Variants in ARNT2 observed in about 807,000 individuals in gnomAD.
ARNT2 encodes ARNT protein 2.
ARNT2 carries 36 observed loss-of-function variants against 91.7 expected under a neutral mutation model. The ratio of observed to expected loss-of-function variants is 0.39; its 90% CI spans 0.30 to 0.52. The LOEUF (loss-of-function observed/expected upper bound fraction) is 0.52, where lower values mean the gene tolerates loss of function less well. Ranked by LOEUF, ARNT2 falls within the 20% of genes least tolerant of loss-of-function variation. The pLI is 0.72. For missense variants in ARNT2, 775 were observed against 939.3 expected, an observed-to-expected ratio of 0.83 and a Z score of 2.29; for synonymous variants, 365 against 347.1, an observed-to-expected ratio of 1.05 and a Z score of -0.57.
chr15:80,492,922 T>C (rs1475545361), intron 5 of ARNT2, among the ~76,000 whole-genome samples: 2 of 152,258 alleles, frequency 1.3e-5, no homozygotes, highest in Non-Finnish European at 2.9e-5. Context: ...CAACATATTG[T>C]GTTCTTTCTG....
chr15:80,514,261 T>A, intron 7 of ARNT2, 59 bp from the exon 8 acceptor site: 1 of 1,572,320 alleles, frequency 6.4e-7, no homozygotes, highest in Non-Finnish European at 8.7e-7. Context: ...AGAGGAGTCA[T>A]CAACATCCTT....
In ARNT2 at chr15:80,555,052, C is replaced by T. The variant is rs879686853; in HGVS notation, c.1090-13C>T. 1 of 1,612,326 alleles carries T rather than the reference C, an allele frequency of 6.2e-7. No homozygotes were observed. The highest frequency in any genetic ancestry group is 8.5e-7 in the Non-Finnish European group (1 of 1,178,382). On this transcript the variant is annotated splice_polypyrimidine_tract_variant and intron_variant, in intron 10 of 18. Coordinates refer to ENST00000303329, the MANE Select transcript of ARNT2 (RefSeq NM_014862.4). Reference sequence around the variant, plus strand: ...TGGATCTGGGATTATTAAAGCTTGTCTCTTTTATTTAGGATCTTCTGGGAA... The same window carrying T: ...TGGATCTGGGATTATTAAAGCTTGTTTCTTTTATTTAGGATCTTCTGGGAA...
chr15:80,584,919 CA>C (rs1185674510), intron 17 of ARNT2, among the ~76,000 whole-genome samples: 1 of 152,214 alleles, frequency 6.6e-6, no homozygotes, highest in East Asian at 1.9e-4. Context: ...AGTGGTGGAC[CA>C]GGGGCAGACA....
chr15:80,504,262 A>G (rs1897240295), intron 5 of ARNT2, among the ~76,000 whole-genome samples: 1 of 152,194 alleles, frequency 6.6e-6, no homozygotes, highest in Admixed American at 6.5e-5. Flanking sequence ...CTGTTGTCTC[A>G]GTGTAACAAT....
intron 1 of ARNT2, among the ~76,000 whole-genome samples, chr15:80,449,516 T>G (rs1319539311): frequency 6.6e-6 from 1 of 152,224 alleles, no homozygotes; most frequent in Non-Finnish European, 1.5e-5. Flanking sequence ...GATTTTTTTT[T>G]TCTTTGAGGA....
chr15:80,418,625 A>C (rs1345105861), intron 1 of ARNT2, among the ~76,000 whole-genome samples: 2 of 152,108 alleles, frequency 1.3e-5, no homozygotes, highest in African/African-American at 4.8e-5. Context: ...ACCAGATGGG[A>C]TCTGACCACT....
At chr15:80,500,992 A>G (rs965204879) in intron 5 of ARNT2, among the ~76,000 whole-genome samples, 1 of 152,228 alleles carries the variant, frequency 6.6e-6, no homozygotes, top group Non-Finnish European at 1.5e-5. Flanking sequence ...GGTGGTCATA[A>G]TTCTTATTCT....
chr15:80,460,428 G>C (rs566290436), intron 3 of ARNT2, among the ~76,000 whole-genome samples: 26 of 152,330 alleles, frequency 1.7e-4, no homozygotes, highest in African/African-American at 6.0e-4. Flanking sequence ...TGCCACTGCT[G>C]TGTGACCTCA....
rs773045613 is a variant in ARNT2 at position 80,450,933 on chromosome 15, G to A, written c.85G>A (p.Ala29Thr). The change falls in exon 2 of 19, where the codon GCC becomes ACC. Residue 29 changes from alanine (A) to threonine (T), a missense_variant. Coordinates refer to ENST00000303329, the MANE Select transcript of ARNT2 (RefSeq NM_014862.4). ...SVTLPVAPMA[A>T]TGQVRMAGAM... ...GACGTTGCCCGTTGCCCCCATGGCGGCCACCGGACAGGTGAGGATGGCGGG... is the reference window on the plus strand; with the variant it reads ...GACGTTGCCCGTTGCCCCCATGGCGACCACCGGACAGGTGAGGATGGCGGG... The A allele has an allele frequency of 1.9e-6, 3 of 1,614,220 alleles. No individual in the cohort carries two copies. The highest frequency in any genetic ancestry group is 4.5e-5 in the East Asian group (2 of 44,880).
Position 80,557,184 on chromosome 15 carries a change from C to T in ARNT2, c.1164+2045C>T, listed in dbSNP as rs80022063. 3.4e-3 allele frequency among the ~76,000 whole-genome samples: 518 copies of T among 152,264 alleles called. 2 individuals are homozygous for T. Among genetic ancestry groups the T allele is most frequent in the Non-Finnish European group, 4.8e-3 (326 of 68,018 alleles). ...GATAGAACTCTTAACCCCCACTCCTCCCTGCACACTCTGCTCCTTCCTTTC... is the reference window on the plus strand; with the variant it reads ...GATAGAACTCTTAACCCCCACTCCTTCCTGCACACTCTGCTCCTTCCTTTC... On this transcript the variant is annotated intron_variant, in intron 11 of 18. Coordinates refer to ENST00000303329, the MANE Select transcript of ARNT2 (RefSeq NM_014862.4).
intron 8 of ARNT2, among the ~76,000 whole-genome samples, chr15:80,514,878 C>T (rs140764849): frequency 0.017 from 2,647 of 152,060 alleles, 83 homozygotes; most frequent in African/African-American, 0.061. Flanking sequence ...ACAGCAAGAC[C>T]CCATCTCAAA....
At chr15:80,535,988 T>C (rs976203403) in intron 8 of ARNT2, among the ~76,000 whole-genome samples, 1 of 152,238 alleles carries the variant, frequency 6.6e-6, no homozygotes, top group Non-Finnish European at 1.5e-5. Flanking sequence ...ACTTCTTGTT[T>C]CTCTCTGCAT....
chr15:80,404,436 G>T lies in ARNT2; in HGVS notation c.-80G>T, dbSNP rs1895565976. On this transcript the variant is annotated 5_prime_UTR_variant, in exon 1 of 19. Coordinates refer to ENST00000303329, the MANE Select transcript of ARNT2 (RefSeq NM_014862.4). This position sits in a 1 kb window ranked among gnomAD's most constrained non-coding sequence, Gnocchi z 5.5. Reference sequence around the variant, plus strand: ...CGGCGGCGGCGCCTGGGCCTGACCGGGTCCCCGGGGCTGAGCGCCGGGCTC... The same window carrying T: ...CGGCGGCGGCGCCTGGGCCTGACCGTGTCCCCGGGGCTGAGCGCCGGGCTC... 2.0e-6 allele frequency: 2 copies of T among 1,001,008 alleles called. No homozygotes were observed. Among genetic ancestry groups the T allele is most frequent in the South Asian group, 5.5e-5 (2 of 36,526 alleles). 62.0% of individuals were successfully genotyped at this position (1,001,008 alleles called of 1,614,324 possible).
At chr15:80,582,351 C>A (rs1272203714) in intron 17 of ARNT2, among the ~76,000 whole-genome samples, 2 of 151,258 alleles carry the variant, frequency 1.3e-5, no homozygotes, top group Admixed American at 1.3e-4. Flanking sequence ...AAAAAATTAG[C>A]CAGGTGTTGT....
chr15:80,532,335 T>C (rs4454926), intron 8 of ARNT2, among the ~76,000 whole-genome samples: 1,645 of 152,182 alleles, frequency 0.011, 24 homozygotes, highest in African/African-American at 0.038. Context: ...CTTCCATCAT[T>C]GTTGGTGTCA....
intron 1 of ARNT2, among the ~76,000 whole-genome samples, chr15:80,443,786 T>C (rs952485948): frequency 6.6e-6 from 1 of 152,172 alleles, no homozygotes; most frequent in African/African-American, 2.4e-5. Flanking sequence ...GAAGAGCCAC[T>C]GTTTGCCTTC....
intron 5 of ARNT2, chr15:80,488,819 T>A (rs1420080558): frequency 6.6e-6 from 1 of 152,156 alleles, no homozygotes; most frequent in Non-Finnish European, 1.5e-5. Context: ...ATGTTAAAAA[T>A]GTAGTCATCA....
intron 1 of ARNT2, among the ~76,000 whole-genome samples, chr15:80,408,695 C>G (rs1014920576): frequency 1.3e-5 from 2 of 152,106 alleles, no homozygotes; most frequent in African/African-American, 4.8e-5. Context: ...CCCAATTTCT[C>G]TATATCCTGT....
chr15:80,547,012 G>C (rs183362584), intron 8 of ARNT2, among the ~76,000 whole-genome samples: 1 of 151,472 alleles, frequency 6.6e-6, no homozygotes, highest in Non-Finnish European at 1.5e-5. Context: ...GAAAGAAATA[G>C]AGGCAATGGA....
Sources: gnomAD v4.1 joint callset for allele counts (sites outside exome capture counted in the v4.1 genomes callset) on GRCh38, gnomAD v4.1.1 for gene constraint, Gnocchi (gnomAD v3.1) non-coding constraint, MANE v1.5 for transcripts, NCBI Gene and HGNC (gene_info 2026-07-23, HGNC 2026-07-21) for gene names.